Variants in RCBTB1 observed in about 807,000 individuals in gnomAD.
RCBTB1 encodes RCC1 and BTB domain containing protein 1, also known as RCC1 and BTB domain-containing protein 1.
In RCBTB1, 46 loss-of-function variants were observed where a neutral mutation model predicts 62.4. The ratio of observed to expected loss-of-function variants is 0.74; its 90% confidence interval spans 0.58 to 0.94. The LOEUF (loss-of-function observed/expected upper bound fraction) is 0.94, where lower values mean the gene tolerates loss of function less well. RCBTB1 is among the 40% of genes least tolerant of loss of function. The pLI is 0.00. For missense variants in RCBTB1, 565 were observed against 654.9 expected, an observed-to-expected ratio of 0.86 and a Z score of 1.50; for synonymous variants, 222 against 245.8, an observed-to-expected ratio of 0.90 and a Z score of 0.91.
At chr13:49,550,918 A>G (rs966560097) in intron 8 of RCBTB1, among the ~76,000 whole-genome samples, 1 of 152,188 alleles carries the variant, frequency 6.6e-6, no homozygotes, top group Non-Finnish European at 1.5e-5. Context: ...CCTGGCCAAC[A>G]TGGCGAAACC....
chr13:49,573,092 C>G (rs572862846), intron 2 of RCBTB1, among the ~76,000 whole-genome samples: 5 of 152,144 alleles, frequency 3.3e-5, no homozygotes, highest in Non-Finnish European at 7.3e-5. Context: ...CACCCAAACA[C>G]GTCATACAGC....
In RCBTB1 at chr13:49,549,645, C is replaced by T; in HGVS notation, c.858G>A (p.Val286=). The T allele has an allele frequency of 1.9e-6, 3 of 1,603,568 alleles. No individual in the cohort carries two copies. Among genetic ancestry groups the T allele is most frequent in the Non-Finnish European group, 2.6e-6 (3 of 1,173,192 alleles). Residue 286 remains valine (V), a synonymous_variant, in exon 9 of 13, where the codon GTG becomes GTA. Coordinates refer to ENST00000378302, the MANE Select transcript of RCBTB1 (RefSeq NM_018191.4). The part of the protein sequence containing the change: ...PAHIMVEKER[V]VEIAACHSAH... ...CAGAGTGACAGGCTGCAATCTCTAC[C>T]ACCCTGAAAAGTTTTAAGAAAAATG...
intron 1 of RCBTB1, among the ~76,000 whole-genome samples, chr13:49,582,037 A>AG (rs1964129723): frequency 6.6e-6 from 1 of 152,276 alleles, no homozygotes; most frequent in Non-Finnish European, 1.5e-5. Context: ...ATAGAGTTGC[A>AG]GGACGTTTTC....
At chr13:49,545,952 G>C (rs1960752849) in intron 9 of RCBTB1, 1 of 271,358 alleles carries the variant, frequency 3.7e-6, no homozygotes, top group South Asian at 1.4e-4. Context: ...CCTAAGCCCT[G>C]TGACCTTAAC....
intron 4 of RCBTB1, among the ~76,000 whole-genome samples, chr13:49,564,748 G>A (rs1272183161): frequency 2.0e-5 from 3 of 151,710 alleles, no homozygotes; most frequent in East Asian, 1.9e-4. Flanking sequence ...AAAATTAGCC[G>A]GGCATGGTGG....
intron 2 of RCBTB1, among the ~76,000 whole-genome samples, chr13:49,570,552 GT>G (rs1963328191): frequency 6.6e-6 from 1 of 152,186 alleles, no homozygotes; most frequent in Non-Finnish European, 1.5e-5. Flanking sequence ...GCTGTTTGCT[GT>G]TTTGAGCCTG....
At chr13:49,544,601 T>A (rs2139147543) in intron 10 of RCBTB1, 136 bp downstream of exon 10, 1 of 645,100 alleles carries the variant, frequency 1.6e-6, no homozygotes, top group African/African-American at 1.8e-5. Flanking sequence ...TGAAATGGAC[T>A]GATACTATCT....
chr13:49,561,328 A>G (rs554326885), intron 4 of RCBTB1, among the ~76,000 whole-genome samples: 84 of 152,294 alleles, frequency 5.5e-4, no homozygotes, highest in East Asian at 3.5e-3. Flanking sequence ...CAGCCCACAC[A>G]AACTCAGAGT....
chr13:49,544,878 C>G lies in RCBTB1; in HGVS notation c.1046-15G>C. ...GTCTTCATGCTCTGAAGGCAACAAA[C>G]ATATATTAATATGGCAAGTTCAAGG... On this transcript the variant is annotated splice_polypyrimidine_tract_variant and intron_variant, in intron 9 of 12. Transcript: ENST00000378302. 1 of 1,598,970 alleles carries G rather than the reference C, an allele frequency of 6.3e-7. No individual in the cohort carries two copies. The highest frequency in any genetic ancestry group is 8.5e-7 in the Non-Finnish European group (1 of 1,173,398).
chr13:49,570,756 G>A (rs1231154613), intron 2 of RCBTB1, among the ~76,000 whole-genome samples: 2 of 152,314 alleles, frequency 1.3e-5, no homozygotes, highest in Middle Eastern at 3.4e-3. Context: ...CTGCCTTGTC[G>A]TAGACACTGT....
At chr13:49,541,045 A>G (rs940262204) in intron 11 of RCBTB1, 39 bp from the exon 12 acceptor site, 2 of 1,569,570 alleles carry the variant, frequency 1.3e-6, no homozygotes, top group Non-Finnish European at 1.7e-6. Flanking sequence ...TCAAATGTAT[A>G]ATAATTTCCA....
At chr13:49,534,333 A>G in intron 12 of RCBTB1, 71 bp from the exon 13 acceptor site, 1 of 1,492,884 alleles carries the variant, frequency 6.7e-7, no homozygotes, top group Non-Finnish European at 9.1e-7. Flanking sequence ...CTTCTCTCTG[A>G]GCCCTTTACC....
intron 12 of RCBTB1, among the ~76,000 whole-genome samples, chr13:49,534,895 G>T (rs536245903): frequency 6.6e-6 from 1 of 152,088 alleles, no homozygotes; most frequent in African/African-American, 2.4e-5. Context: ...TTAGCCGGGC[G>T]TGGTGGTGGA....
At chr13:49,555,721 T>C in intron 5 of RCBTB1, 48 bp from the exon 6 acceptor site, 5 of 1,356,842 alleles carry the variant, frequency 3.7e-6, no homozygotes, top group Non-Finnish European at 5.1e-6. Context: ...AGGGTGAAAA[T>C]TCTACCCCAA....
rs182795682 is a variant in RCBTB1 at position 49,566,271 on chromosome 13, A to T, written c.277+347T>A. ...AGAATGATCAATAAAAAAATAAAAT[A>T]AAATAAATAAATAAATAAATAAATA... On this transcript the variant is annotated intron_variant, in intron 4 of 12. Coordinates refer to ENST00000378302, the MANE Select transcript of RCBTB1 (RefSeq NM_018191.4). Among the ~76,000 whole-genome samples, 703 of 94,892 alleles carry T rather than the reference A, an allele frequency of 7.4e-3. 6 individuals are homozygous for T. The highest frequency in any genetic ancestry group is 0.036 in the African/African-American group (608 of 17,112). 62.3% of individuals were successfully genotyped at this position (94,892 alleles called of 152,430 possible).
At chr13:49,560,546 G>A (rs1962353054) in intron 4 of RCBTB1, among the ~76,000 whole-genome samples, 1 of 152,036 alleles carries the variant, frequency 6.6e-6, no homozygotes, top group African/African-American at 2.4e-5. Flanking sequence ...GTTTACAAAG[G>A]AAACAAAAGT....
intron 9 of RCBTB1, chr13:49,546,151 A>C: frequency 1.0e-6 from 1 of 985,398 alleles, no homozygotes. Flanking sequence ...ATCCAAAAAA[A>C]AACCCACTTC....
chr13:49,549,542 G>T lies in RCBTB1; in HGVS notation c.961C>A (p.Pro321Thr). 6.2e-7 allele frequency: 1 copy of T among 1,614,122 alleles called. No individual in the cohort carries two copies. Among genetic ancestry groups the T allele is most frequent in the Non-Finnish European group, 8.5e-7 (1 of 1,179,994 alleles). ...GQCRGQSVIL[P>T]HLTHFSCTDD... ...GTGCAGGAGAAGTGGGTGAGGTGCG[G>T]GAGGATCACGGACTGACCCCGGCAC... Residue 321 changes from proline to threonine, a missense_variant, in exon 9 of 13, where the codon CCG (proline) becomes ACG (threonine). Physicochemically the swap from Pro to Thr is conservative, Grantham distance 38. Transcript: ENST00000378302.
intron 4 of RCBTB1, among the ~76,000 whole-genome samples, chr13:49,564,801 G>A (rs1302713950): frequency 6.6e-6 from 1 of 151,188 alleles, no homozygotes; most frequent in Non-Finnish European, 1.5e-5. Context: ...TGAGGCAGGA[G>A]AATGGCGTGA....
Sources: allele counts gnomAD v4.1 joint callset (sites outside exome capture counted in the v4.1 genomes callset), GRCh38; gene constraint gnomAD v4.1.1; transcripts MANE v1.5; gene names NCBI Gene and HGNC (gene_info 2026-07-23, HGNC 2026-07-21).